Variants in TOX observed in about 807,000 individuals in gnomAD.
The protein encoded by TOX is thymocyte selection associated high mobility group box.
In TOX, 11 loss-of-function variants were observed where a neutral mutation model predicts 53.7. That is an observed-to-expected ratio of 0.20 (90% CI 0.13 to 0.34). The LOEUF (loss-of-function observed/expected upper bound fraction) is 0.34, where lower values mean the gene tolerates loss of function less well. Among genes scored for constraint, TOX ranks in the 10% least tolerant of loss-of-function variants. TOX has a pLI of 1.00. For synonymous variants in TOX, 225 were observed against 245.3 expected, an observed-to-expected ratio of 0.92 and a Z score of 0.77; for missense variants, 570 against 664.6, an observed-to-expected ratio of 0.86 and a Z score of 1.56.
chr8:58,900,333 C>T (rs562411238), intron 3 of TOX, among the ~76,000 whole-genome samples: 1 of 152,166 alleles, frequency 6.6e-6, no homozygotes, highest in Admixed American at 6.5e-5. Context: ...AACCTCTATA[C>T]ACACAAGTAG....
chr8:59,041,936 G>A (rs73254482), intron 1 of TOX, among the ~76,000 whole-genome samples: 7,854 of 152,120 alleles, frequency 0.052, 259 homozygotes, highest in Middle Eastern at 0.15. Flanking sequence ...TGTTATGTAC[G>A]TTATGTAAGT....
chr8:59,033,033 C>CAA (rs34575165), intron 1 of TOX, among the ~76,000 whole-genome samples: 1,837 of 104,704 alleles, frequency 0.018, 15 homozygotes, highest in Admixed American at 0.026. Flanking sequence ...AACTCCAACT[C>CAA]AAAAAAAAAA....
chr8:58,915,239 T>A (rs1811991247), intron 3 of TOX, among the ~76,000 whole-genome samples: 2 of 148,072 alleles, frequency 1.4e-5, no homozygotes, highest in African/African-American at 5.0e-5. Flanking sequence ...AGGCTCCACC[T>A]CTGGGGGCAG....
At chr8:58,826,562 G>C (rs957810930) in intron 6 of TOX, among the ~76,000 whole-genome samples, 4 of 152,216 alleles carry the variant, frequency 2.6e-5, no homozygotes, top group Admixed American at 6.5e-5. Flanking sequence ...TCAGGTTGAA[G>C]AATGTACTGT....
intron 1 of TOX, among the ~76,000 whole-genome samples, chr8:58,985,975 T>G (rs1202804087): frequency 6.6e-6 from 1 of 152,202 alleles, no homozygotes; most frequent in Non-Finnish European, 1.5e-5. Flanking sequence ...AATCTCATAA[T>G]GAGCAAAAAA....
rs1173710545 is a variant in TOX, at chr8:58,873,958, C to CTTTTTTTTTTTTTTTTTTT, written c.412-22172_412-22154dup. On this transcript the variant is annotated intron_variant, in intron 3 of 8. Transcript: ENST00000361421. ...AATACACATCCTGAATGCCAGGAAG[C>CTTTTTTTTTTTTTTTTTTT]TTTTTTTTTTTTTTTTTTTTTTTTT... Among the ~76,000 whole-genome samples, 29 of 40,136 alleles carry CTTTTTTTTTTTTTTTTTTT rather than the reference C, an allele frequency of 7.2e-4. 11 individuals are homozygous for CTTTTTTTTTTTTTTTTTTT. Among genetic ancestry groups the CTTTTTTTTTTTTTTTTTTT allele is most frequent in the African/African-American group, 2.1e-3 (12 of 5,792 alleles). The allele number at this position is 40,136 out of a possible 152,430, so 26.3% of individuals were successfully genotyped here.
chr8:58,944,686 T>C (rs1260776540), intron 2 of TOX, among the ~76,000 whole-genome samples: 1 of 152,146 alleles, frequency 6.6e-6, no homozygotes, highest in Non-Finnish European at 1.5e-5. Context: ...CAAAAACATA[T>C]GTAAAAAGCC....
intron 1 of TOX, among the ~76,000 whole-genome samples, chr8:59,017,829 A>C (rs1449586951): frequency 6.6e-6 from 1 of 152,188 alleles, no homozygotes; most frequent in African/African-American, 2.4e-5. Flanking sequence ...TTTAGTTCAG[A>C]TCTTTTGATA....
chr8:58,981,831 T>C (rs1275022253), intron 1 of TOX, among the ~76,000 whole-genome samples: 1 of 152,204 alleles, frequency 6.6e-6, no homozygotes, highest in Non-Finnish European at 1.5e-5. Context: ...TTCTCCATTC[T>C]TAAGAATAAT....
At chr8:59,071,828 C>T (rs1168789652) in intron 1 of TOX, among the ~76,000 whole-genome samples, 1 of 152,066 alleles carries the variant, frequency 6.6e-6, no homozygotes, top group Non-Finnish European at 1.5e-5. Context: ...GATTCATGGC[C>T]AAAGAAGACT....
intron 1 of TOX, among the ~76,000 whole-genome samples, chr8:58,978,058 G>T (rs1232868053): frequency 1.3e-5 from 2 of 152,186 alleles, no homozygotes; most frequent in Non-Finnish European, 2.9e-5. Context: ...AGAAGGTGAG[G>T]TGCAATAAAA....
At chr8:59,009,083 C>T (rs1000315602) in intron 1 of TOX, among the ~76,000 whole-genome samples, 2 of 151,426 alleles carry the variant, frequency 1.3e-5, no homozygotes, top group South Asian at 2.1e-4. Context: ...GTTTCCTTCC[C>T]TCTCTTCCTC....
chr8:59,009,683 TC>T (rs1180681439), intron 1 of TOX, among the ~76,000 whole-genome samples: 3 of 152,180 alleles, frequency 2.0e-5, no homozygotes, highest in African/African-American at 7.2e-5. Context: ...TCCTCTCCTT[TC>T]CACCCTGTTT....
intron 5 of TOX, among the ~76,000 whole-genome samples, chr8:58,827,393 G>T (rs1810383385): frequency 6.6e-6 from 1 of 152,202 alleles, no homozygotes; most frequent in African/African-American, 2.4e-5. Flanking sequence ...GGAGAGTGCA[G>T]GTTCATCACT....
chr8:58,834,014 G>A (rs529865355), intron 5 of TOX, among the ~76,000 whole-genome samples: 2 of 152,236 alleles, frequency 1.3e-5, no homozygotes, highest in Admixed American at 1.3e-4. Context: ...ATAAAGATCT[G>A]CCCTTCTGCA....
chr8:58,862,240 T>C (rs934180303), intron 3 of TOX, among the ~76,000 whole-genome samples: 4 of 152,198 alleles, frequency 2.6e-5, no homozygotes, highest in African/African-American at 9.6e-5. Flanking sequence ...TTAAAGTGTC[T>C]GACTCTGTAA....
intron 3 of TOX, among the ~76,000 whole-genome samples, chr8:58,928,073 G>A (rs1032557735): frequency 1.3e-5 from 2 of 152,178 alleles, no homozygotes; most frequent in South Asian, 2.1e-4. Context: ...TCATACTTTC[G>A]TCAAGTTTAA....
At chr8:58,910,255 A>C (rs1333115063) in intron 3 of TOX, among the ~76,000 whole-genome samples, 2 of 152,228 alleles carry the variant, frequency 1.3e-5, no homozygotes, top group Admixed American at 1.3e-4. Flanking sequence ...GATTCATACA[A>C]TCCAAATAGA....
intron 4 of TOX, among the ~76,000 whole-genome samples, chr8:58,843,057 A>G (rs1042760090): frequency 2.0e-5 from 3 of 152,250 alleles, no homozygotes; most frequent in Non-Finnish European, 4.4e-5. Context: ...GAGAGGCACT[A>G]GACTCTAAAG....
Sources: gnomAD v4.1 joint callset for allele counts (sites outside exome capture counted in the v4.1 genomes callset) on GRCh38, gnomAD v4.1.1 for gene constraint, MANE v1.5 for transcripts, NCBI Gene and HGNC (gene_info 2026-07-23, HGNC 2026-07-21) for gene names.